The following KLHL2 variants were observed in gnomAD, a reference collection of about 807,000 sequenced individuals.
KLHL2 encodes the protein kelch-like protein 2.
KLHL2 carries 15 observed loss-of-function variants against 75.8 expected under a neutral mutation model. The observed-to-expected ratio is 0.20, with a 90% confidence interval of 0.13 to 0.30. The LOEUF (loss-of-function observed/expected upper bound fraction) is 0.30, where lower values mean the gene tolerates loss of function less well. KLHL2 is among the 10% of genes least tolerant of loss of function. The pLI is 1.00. For missense variants in KLHL2, 381 were observed against 741.0 expected (o/e 0.51, Z 5.64); for synonymous variants, 214 against 251.9 (o/e 0.85, Z 1.42).
chr4:165,313,811 A>G (rs1454972846), intron 12 of KLHL2, among the ~76,000 whole-genome samples: 3 of 152,094 alleles, frequency 2.0e-5, no homozygotes, highest in Non-Finnish European at 2.9e-5. Context: ...TCTGTTTGAC[A>G]TGCCTCTTTT....
At chr4:165,213,562 G>A (rs1737345051) in intron 1 of KLHL2, among the ~76,000 whole-genome samples, 1 of 152,182 alleles carries the variant, frequency 6.6e-6, no homozygotes, top group Middle Eastern at 3.4e-3. Context: ...ACTCATTCCA[G>A]CTCATCGTTG....
intron 5 of KLHL2, among the ~76,000 whole-genome samples, chr4:165,293,925 C>T (rs1744715504): frequency 6.6e-6 from 1 of 152,124 alleles, no homozygotes; most frequent in Admixed American, 6.5e-5. Flanking sequence ...CCATAAGGAA[C>T]AACCCTCTAA....
chr4:165,265,504 T>G (rs1742172377), intron 5 of KLHL2, among the ~76,000 whole-genome samples: 1 of 152,164 alleles, frequency 6.6e-6, no homozygotes, highest in Admixed American at 6.6e-5. Flanking sequence ...TTTTGATGGT[T>G]TCAGGTCTTA....
chr4:165,210,256 C>G (rs1174645190), intron 1 of KLHL2: 1 of 1,377,122 alleles, frequency 7.3e-7, no homozygotes, highest in Non-Finnish European at 1.0e-6. Flanking sequence ...GTGCGTGGTG[C>G]TTTTGCTTGT....
chr4:165,299,452 A>G (rs989475063), intron 7 of KLHL2, 55 bp from the exon 8 acceptor site: 15 of 1,460,230 alleles, frequency 1.0e-5, no homozygotes, highest in Admixed American at 9.8e-5. Flanking sequence ...TTCTTTGGCA[A>G]TTTAATTATG....
intron 8 of KLHL2, among the ~76,000 whole-genome samples, 189 bp from the exon 9 acceptor site, chr4:165,305,419 G>A (rs1048692751): frequency 6.6e-6 from 1 of 152,176 alleles, no homozygotes; most frequent in African/African-American, 2.4e-5. Flanking sequence ...CGATAGAATT[G>A]TATTTTTAAC....
At chr4:165,226,314 G>A (rs1000327771) in intron 2 of KLHL2, among the ~76,000 whole-genome samples, 42 of 152,232 alleles carry the variant, frequency 2.8e-4, no homozygotes, top group African/African-American at 1.0e-3. Flanking sequence ...TCCGCATTCT[G>A]CTTTGCTGCT....
At chr4:165,311,022 T>G (rs934345303) in intron 10 of KLHL2, among the ~76,000 whole-genome samples, 1 of 150,254 alleles carries the variant, frequency 6.7e-6, no homozygotes, top group Non-Finnish European at 1.5e-5. Flanking sequence ...GCCCGGCTAA[T>G]TTTTTTTGTA....
chr4:165,319,620 G>T lies in KLHL2; in HGVS notation c.1753+1651G>T, dbSNP rs1746822305. Among the ~76,000 whole-genome samples the T allele has an allele frequency of 6.6e-6, 1 of 151,912 alleles. No individual in the cohort carries two copies. The highest frequency in any genetic ancestry group is 1.5e-5 in the Non-Finnish European group (1 of 67,956). The stretch of plus-strand genomic sequence containing the variant: ...TGTTGAACATGCAGCTTTTATGTGG[G>T]TGCAGGATTTTTGTTTTTGAGACAG... On this transcript the variant is annotated intron_variant, in intron 14 of 14. Coordinates refer to ENST00000226725, the MANE Select transcript of KLHL2 (RefSeq NM_007246.4). This position sits in a 1 kb window ranked among gnomAD's most constrained non-coding sequence, Gnocchi z 4.5.
At chr4:165,244,377 G>A (rs1202050936) in intron 4 of KLHL2, among the ~76,000 whole-genome samples, 4 of 152,210 alleles carry the variant, frequency 2.6e-5, no homozygotes, top group East Asian at 1.9e-4. Context: ...AGGAGCAGAC[G>A]TGTGCAAGCA....
chr4:165,233,513 G>A (rs1192030068), intron 3 of KLHL2, among the ~76,000 whole-genome samples: 1 of 152,016 alleles, frequency 6.6e-6, no homozygotes, highest in Admixed American at 6.5e-5. Context: ...AAATAAATTA[G>A]AATAGGAAAA....
chr4:165,284,368 C>G (rs1356467788), intron 5 of KLHL2, among the ~76,000 whole-genome samples: 2 of 152,152 alleles, frequency 1.3e-5, no homozygotes, highest in Non-Finnish European at 2.9e-5. Context: ...GAAATTTCTT[C>G]CACTAGATAC....
intron 2 of KLHL2, among the ~76,000 whole-genome samples, chr4:165,226,111 T>G (rs1738410431): frequency 6.6e-6 from 1 of 152,250 alleles, no homozygotes; most frequent in Non-Finnish European, 1.5e-5. Flanking sequence ...GAAGGATTAC[T>G]GACAAAAGGA....
chr4:165,210,599 T>C (rs1286191921), intron 1 of KLHL2, among the ~76,000 whole-genome samples: 2 of 152,220 alleles, frequency 1.3e-5, no homozygotes, highest in African/African-American at 2.4e-5. Flanking sequence ...CATTTGCTTC[T>C]GATCAAACCT....
intron 3 of KLHL2, among the ~76,000 whole-genome samples, chr4:165,233,162 C>G (rs187470129): frequency 1.6e-4 from 24 of 152,190 alleles, no homozygotes; most frequent in Admixed American, 7.2e-4. Flanking sequence ...CGTCATAGTT[C>G]CAAGTATTTG....
rs572099291 is a variant in KLHL2 at position 165,307,310 on chromosome 4, AAAAC to A, written c.1039+1601_1039+1604del. ...GCAATAGAGTGAGACTCCGTCTCAA[AAAAC>A]AAACAAACAAACAAAAAAACAAAAA... On this transcript the variant is annotated intron_variant, in intron 9 of 14. Transcript: ENST00000226725. Among the ~76,000 whole-genome samples the A allele has an allele frequency of 5.6e-3, 857 of 152,324 alleles. 9 individuals carry two copies. The highest frequency in any genetic ancestry group is 0.018 in the African/African-American group (739 of 41,560).
chr4:165,286,481 C>T (rs546033923), intron 5 of KLHL2, among the ~76,000 whole-genome samples: 1 of 152,058 alleles, frequency 6.6e-6, no homozygotes, highest in South Asian at 2.1e-4. Context: ...CAGGCAGGAC[C>T]ATAGTAATAC....
intron 5 of KLHL2, among the ~76,000 whole-genome samples, chr4:165,274,398 A>G (rs1183959761): frequency 1.3e-5 from 2 of 152,098 alleles, no homozygotes; most frequent in Non-Finnish European, 2.9e-5. Flanking sequence ...TCATGAGGTC[A>G]TGAGATCGAG....
intron 5 of KLHL2, among the ~76,000 whole-genome samples, chr4:165,282,136 A>G (rs568967396): frequency 6.6e-6 from 1 of 152,388 alleles, no homozygotes; most frequent in Non-Finnish European, 1.5e-5. Flanking sequence ...GCAAGATCAT[A>G]GATATGGGAA....
Sources: allele counts gnomAD v4.1 joint callset (sites outside exome capture counted in the v4.1 genomes callset), GRCh38; gene constraint gnomAD v4.1.1; non-coding constraint Gnocchi (gnomAD v3.1); transcripts MANE v1.5; gene names NCBI Gene and HGNC (gene_info 2026-07-23, HGNC 2026-07-21).